The following GATA4 variants were observed in gnomAD, a reference collection of about 807,000 sequenced individuals.
The protein encoded by GATA4 is transcription factor GATA-4.
Under a neutral mutation model 37.9 loss-of-function variants are expected in GATA4, and 7 were observed. That is an observed-to-expected ratio of 0.18 (90% CI 0.11 to 0.35). GATA4 has a LOEUF of 0.35. Ranked by LOEUF, GATA4 falls within the 10% of genes least tolerant of loss-of-function variation. The pLI is 1.00. For synonymous variants in GATA4, 372 were observed against 292.6 expected (o/e 1.27, Z -2.77); for missense variants, 647 against 653.0 (o/e 0.99, Z 0.10).
At chr8:11,693,864 C>A (rs1799421776) in intron 1 of GATA4, among the ~76,000 whole-genome samples, 1 of 152,152 alleles carries the variant, frequency 6.6e-6, no homozygotes, top group Admixed American at 6.5e-5. Context: ...ATGAACAGCA[C>A]AGAGTCCGCA....
At chr8:11,729,517 C>G (rs879478938) in intron 2 of GATA4, among the ~76,000 whole-genome samples, 9 of 150,858 alleles carry the variant, frequency 6.0e-5, no homozygotes, top group African/African-American at 2.2e-4. Flanking sequence ...TGCTGTGCCA[C>G]TGCACTCCAG....
At chr8:11,695,378 C>G (rs775312764) in intron 1 of GATA4, among the ~76,000 whole-genome samples, 1 of 152,180 alleles carries the variant, frequency 6.6e-6, no homozygotes. Context: ...TGCACTCCAG[C>G]CTGGGCACCA....
rs1036244086 is a variant in GATA4 at position 11,759,123 on chromosome 8, C to G, written c.*648C>G. ...CAGGTGCCTTCCCCCTGCTGCCGGC[C>G]TTTGCTCCTTCACTTCCAACATCTC... On this transcript the variant is annotated 3_prime_UTR_variant, in exon 7 of 7. Coordinates refer to ENST00000532059, the MANE Select transcript of GATA4 (RefSeq NM_001308093.3). The G allele has an allele frequency of 1.9e-5, 3 of 159,312 alleles. No individual in the cohort carries two copies. Among genetic ancestry groups the G allele is most frequent in the African/African-American group, 7.2e-5 (3 of 41,500 alleles). The allele number at this position is 159,312 out of a possible 1,614,324, so 9.9% of individuals were successfully genotyped here.
chr8:11,735,624 G>A (rs910033542), intron 2 of GATA4, among the ~76,000 whole-genome samples: 5 of 152,106 alleles, frequency 3.3e-5, no homozygotes, highest in African/African-American at 1.2e-4. Flanking sequence ...GTGCAATGGT[G>A]CAATCTCGGC....
intron 4 of GATA4, 150 bp from the exon 5 acceptor site, chr8:11,754,896 G>A: frequency 1.5e-6 from 1 of 670,236 alleles, no homozygotes; most frequent in Non-Finnish European, 2.7e-6. Context: ...TTCTCGCTGA[G>A]TTCCAGGGGC....
chr8:11,698,060 C>A (rs981523533), intron 1 of GATA4: 7 of 969,704 alleles, frequency 7.2e-6, no homozygotes, highest in African/African-American at 7.0e-5. Context: ...GGTTCTCTCT[C>A]CTCCCACCCA....
intron 5 of GATA4, among the ~76,000 whole-genome samples, chr8:11,755,525 C>T (rs556577731): frequency 6.6e-6 from 1 of 152,294 alleles, no homozygotes; most frequent in South Asian, 2.1e-4. Flanking sequence ...GGGCAGGGTC[C>T]AATTAATCAT....
intron 2 of GATA4, among the ~76,000 whole-genome samples, chr8:11,722,917 A>G (rs1397784807): frequency 6.6e-6 from 1 of 152,248 alleles, no homozygotes; most frequent in African/African-American, 2.4e-5. Context: ...ACTTGGAGGT[A>G]CAGTTTGTCT....
intron 2 of GATA4, among the ~76,000 whole-genome samples, chr8:11,724,626 G>C (rs1467063736): frequency 1.3e-5 from 2 of 152,200 alleles, no homozygotes; most frequent in Non-Finnish European, 2.9e-5. Flanking sequence ...AGTGTTTCTA[G>C]CTGTTGGCTG....
chr8:11,696,992 G>C (rs917088368), intron 1 of GATA4, among the ~76,000 whole-genome samples: 6 of 152,220 alleles, frequency 3.9e-5, no homozygotes, highest in South Asian at 4.1e-4. Flanking sequence ...GAGGCCCCCC[G>C]GGGAGATGGT....
upstream of GATA4, among the ~76,000 whole-genome samples, chr8:11,702,384 C>T (rs1338715814): frequency 6.6e-6 from 1 of 151,930 alleles, no homozygotes; most frequent in African/African-American, 2.4e-5. This position sits in a 1 kb window ranked among gnomAD's most constrained non-coding sequence, Gnocchi z 4.4. Context: ...GGATAGCTTC[C>T]CGCTCGCCCA....
At chr8:11,715,362 T>C (rs1042423549) in intron 2 of GATA4, among the ~76,000 whole-genome samples, 2 of 152,202 alleles carry the variant, frequency 1.3e-5, no homozygotes, top group African/African-American at 4.8e-5. Flanking sequence ...CCTTAATCAT[T>C]TTTATACTCA....
In GATA4 at chr8:11,708,176, T is replaced by C. The variant is rs1201200607; in HGVS notation, c.-137T>C. 3 of 1,000,776 alleles carry C rather than the reference T, an allele frequency of 3.0e-6. No homozygotes were observed. The highest frequency in any genetic ancestry group is 4.5e-6 in the Non-Finnish European group (3 of 660,756). 62.0% of individuals were successfully genotyped at this position (1,000,776 alleles called of 1,614,324 possible). Reference sequence around the variant, plus strand: ...TATATATTTTTAAGCGAGTTGGTTTTTTCCCCTTTGATTTTTGATCTTCGC... The same window carrying C: ...TATATATTTTTAAGCGAGTTGGTTTCTTCCCCTTTGATTTTTGATCTTCGC... On this transcript the variant is annotated 5_prime_UTR_variant, in exon 2 of 7. Coordinates refer to ENST00000532059, the MANE Select transcript of GATA4 (RefSeq NM_001308093.3). The surrounding 1 kb of genome is among the most constrained non-coding windows in gnomAD (Gnocchi z 6.7).
At chr8:11,745,982 T>C (rs1344342445) in intron 2 of GATA4, among the ~76,000 whole-genome samples, 2 of 152,132 alleles carry the variant, frequency 1.3e-5, no homozygotes, top group Non-Finnish European at 2.9e-5. Flanking sequence ...AATTTTTTCA[T>C]AATAAAGAAA....
chr8:11,757,939 CT>C (rs1159642898), intron 6 of GATA4, among the ~76,000 whole-genome samples: 3 of 152,222 alleles, frequency 2.0e-5, no homozygotes, highest in East Asian at 3.8e-4. Flanking sequence ...CCAGGAGCCC[CT>C]TCTGGGCCGG....
upstream of GATA4, among the ~76,000 whole-genome samples, chr8:11,690,774 G>C (rs1585559960): frequency 6.6e-6 from 1 of 152,336 alleles, no homozygotes; most frequent in South Asian, 2.1e-4. Flanking sequence ...CGGAGGCCGA[G>C]GTGGGAGGAT....
chr8:11,717,913 T>C (rs557932212), intron 2 of GATA4, among the ~76,000 whole-genome samples: 3 of 152,222 alleles, frequency 2.0e-5, no homozygotes, highest in Non-Finnish European at 4.4e-5. Context: ...CTTCCCAGGA[T>C]TCAGACCCTT....
At chr8:11,699,088 A>ACTGTAATCCTTG (rs1360828790) in intron 1 of GATA4, among the ~76,000 whole-genome samples, 1 of 152,226 alleles carries the variant, frequency 6.6e-6, no homozygotes, top group Non-Finnish European at 1.5e-5. Flanking sequence ...TTGAGCACCT[A>ACTGTAATCCTTG]CTGTAATCCT....
upstream of GATA4, among the ~76,000 whole-genome samples, chr8:11,703,776 G>A (rs1799769529): frequency 6.6e-6 from 1 of 152,212 alleles, no homozygotes; most frequent in African/African-American, 2.4e-5. Context: ...CATCCAGCCG[G>A]GCACCCCGGG....
Sources: allele counts gnomAD v4.1 joint callset (sites outside exome capture counted in the v4.1 genomes callset), GRCh38; gene constraint gnomAD v4.1.1; non-coding constraint Gnocchi (gnomAD v3.1); transcripts MANE v1.5; gene names NCBI Gene and HGNC (gene_info 2026-07-23, HGNC 2026-07-21).